Variants in NAA25 observed in about 807,000 individuals in gnomAD.
The protein encoded by NAA25 is N-alpha-acetyltransferase 25, NatB auxiliary subunit, also known as N-terminal acetyltransferase B complex subunit NAA25.
Under a neutral mutation model 132.5 loss-of-function variants are expected in NAA25, and 30 were observed. That is an observed-to-expected ratio of 0.23 (90% CI 0.17 to 0.31). The LOEUF (loss-of-function observed/expected upper bound fraction) is 0.31. Among genes scored for constraint, NAA25 ranks in the 10% least tolerant of loss-of-function variants. The probability of loss-of-function intolerance (pLI) is 1.00; values close to 1 mark genes in which losing one functional copy is unlikely to be tolerated. For synonymous variants in NAA25, 359 were observed against 401.9 expected, an observed-to-expected ratio of 0.89 and a Z score of 1.28; for missense variants, 771 against 1,150.4, an observed-to-expected ratio of 0.67 and a Z score of 4.77.
At position 112,033,225 on chromosome 12, in the gene NAA25, T is replaced by C; in HGVS notation, c.2796+8A>G. On this transcript the variant is annotated splice_region_variant and intron_variant, in intron 23 of 23. Coordinates refer to ENST00000261745, the MANE Select transcript of NAA25 (RefSeq NM_024953.4). Reference sequence around the variant, plus strand: ...AGAAAACATTGCCGATTGCCTACAATCTCTTACCGGTGAGAGAGAAGTGTC... The same window carrying C: ...AGAAAACATTGCCGATTGCCTACAACCTCTTACCGGTGAGAGAGAAGTGTC... 1 of 1,601,176 alleles carries C rather than the reference T, an allele frequency of 6.2e-7. No homozygotes were observed. Among genetic ancestry groups the C allele is most frequent in the African/African-American group, 1.3e-5 (1 of 74,310 alleles).
chr12:112,084,087 G>A (rs2079009369), intron 4 of NAA25, among the ~76,000 whole-genome samples: 1 of 152,118 alleles, frequency 6.6e-6, no homozygotes, highest in Non-Finnish European at 1.5e-5. Flanking sequence ...TGACAGACAA[G>A]TTTAAAAACA....
chr12:112,063,122 G>T (rs2078662306), intron 11 of NAA25, among the ~76,000 whole-genome samples: 1 of 151,998 alleles, frequency 6.6e-6, no homozygotes, highest in African/African-American at 2.4e-5. Context: ...TAAAAATCAT[G>T]AAGATTTCAA....
At chr12:112,091,622 G>T (rs1024049520) in intron 2 of NAA25, among the ~76,000 whole-genome samples, 1 of 151,934 alleles carries the variant, frequency 6.6e-6, no homozygotes, top group African/African-American at 2.4e-5. Flanking sequence ...GAGTCCGGGG[G>T]GTCAAAGCTG....
At chr12:112,103,560 C>T (rs2079323211) in intron 1 of NAA25, among the ~76,000 whole-genome samples, 2 of 152,128 alleles carry the variant, frequency 1.3e-5, no homozygotes, top group Admixed American at 6.6e-5. Flanking sequence ...TCTACAGAAA[C>T]GCAAGATAGT....
chr12:112,105,916 T>C (rs1005862981), intron 1 of NAA25, among the ~76,000 whole-genome samples: 4 of 152,184 alleles, frequency 2.6e-5, no homozygotes, highest in African/African-American at 9.7e-5. Flanking sequence ...ATGCTGATAG[T>C]TGTTGAATTT....
chr12:112,074,341 C>CAA (rs34077129), intron 9 of NAA25, among the ~76,000 whole-genome samples: 152 of 33,132 alleles, frequency 4.6e-3, no homozygotes, highest in Non-Finnish European at 5.5e-3. Context: ...AACTCCATCT[C>CAA]AAAAAAAAAA....
Position 112,093,126 on chromosome 12 carries a change from G to A in NAA25, c.69C>T (p.Asp23=). ...RRLRPIYDYL[D]NGNNKMAIQQ... is the part of the protein sequence containing the mutation. ...GAATTGCCATTTTATTATTACCATT[G>A]TCAAGATAATCTATGAAAAAACAAA... Residue 23 remains aspartate (D), a synonymous_variant, in exon 2 of 24, where the codon GAC becomes GAT. Transcript: ENST00000261745. 1.3e-6 allele frequency: 2 copies of A among 1,599,424 alleles called. No homozygotes were observed. The highest frequency in any genetic ancestry group is 1.7e-6 in the Non-Finnish European group (2 of 1,168,178).
intron 1 of NAA25, among the ~76,000 whole-genome samples, chr12:112,095,078 G>C (rs1801526789): frequency 6.6e-6 from 1 of 152,134 alleles, no homozygotes; most frequent in Non-Finnish European, 1.5e-5. Flanking sequence ...GAAGCGGGAG[G>C]ATAACTTGAG....
At chr12:112,090,893 T>C (rs2079118567) in intron 2 of NAA25, 29 bp from the exon 3 acceptor site, 1 of 1,579,858 alleles carries the variant, frequency 6.3e-7, no homozygotes, top group Non-Finnish European at 8.6e-7. Flanking sequence ...AAATCAGTTT[T>C]TAAAAAGACA....
intron 2 of NAA25, among the ~76,000 whole-genome samples, chr12:112,092,218 G>A (rs2079141793): frequency 1.3e-5 from 2 of 150,608 alleles, no homozygotes; most frequent in African/African-American, 4.9e-5. Context: ...TCTAGCCTGG[G>A]CAACACAGCA....
At chr12:112,057,594 C>T (rs532308916) in intron 13 of NAA25, among the ~76,000 whole-genome samples, 1 of 152,296 alleles carries the variant, frequency 6.6e-6, no homozygotes, top group Non-Finnish European at 1.5e-5. Flanking sequence ...GTAGCTCATG[C>T]CTGTAATCCC....
intron 1 of NAA25, among the ~76,000 whole-genome samples, chr12:112,094,240 CAAAAAAAAAAAAA>C (rs199734463): frequency 1.4e-5 from 1 of 69,286 alleles, no homozygotes; most frequent in Admixed American, 1.6e-4. Flanking sequence ...GACTCTGTCT[CAAAAAAAAAAAAA>C]AAAAAAAAAG....
rs187472914 is a variant in NAA25, at chr12:112,055,079, A to G, written c.1448-511T>C. Reference sequence around the variant, plus strand: ...CTATGAAATTTCAAAAGGTACATGTATCTCTAGTCTTCAAGATTAAGTTAC... The same window carrying G: ...CTATGAAATTTCAAAAGGTACATGTGTCTCTAGTCTTCAAGATTAAGTTAC... On this transcript the variant is annotated intron_variant, in intron 13 of 23. Coordinates refer to ENST00000261745, the MANE Select transcript of NAA25 (RefSeq NM_024953.4). Among the ~76,000 whole-genome samples, 560 of 152,330 alleles carry G rather than the reference A, an allele frequency of 3.7e-3. 2 individuals are homozygous for G. Among genetic ancestry groups the G allele is most frequent in the African/African-American group, 0.013 (534 of 41,578 alleles).
At chr12:112,059,809 G>A (rs2078598169) in intron 13 of NAA25, among the ~76,000 whole-genome samples, 1 of 142,992 alleles carries the variant, frequency 7.0e-6, no homozygotes, top group South Asian at 2.2e-4. Flanking sequence ...ACTGGAGACA[G>A]GTTTTTTTTT....
intron 1 of NAA25, among the ~76,000 whole-genome samples, chr12:112,102,059 G>A (rs1056312079): frequency 1.3e-5 from 2 of 151,416 alleles, no homozygotes; most frequent in African/African-American, 4.9e-5. Flanking sequence ...AGTAGAGATG[G>A]GTTTTCACCA....
At chr12:112,102,788 G>A (rs564615308) in intron 1 of NAA25, among the ~76,000 whole-genome samples, 25 of 149,812 alleles carry the variant, frequency 1.7e-4, no homozygotes, top group Non-Finnish European at 2.8e-4. Context: ...CTGGGTTCAC[G>A]CGATTCTCTT....
rs913654461 is a variant in NAA25, at chr12:112,027,306, A to G, written c.*2225T>C. The G allele has an allele frequency of 1.3e-5, 2 of 151,158 alleles. No individual in the cohort carries two copies. The highest frequency in any genetic ancestry group is 3.8e-4 in the East Asian group (2 of 5,202). 9.4% of individuals were successfully genotyped at this position (151,158 alleles called of 1,614,324 possible). On this transcript the variant is annotated 3_prime_UTR_variant, in exon 24 of 24. Transcript: ENST00000261745. ...GGAGAGGGTGCTTTTTACTCATGTA[A>G]GAATATATATATATATATATTTTTT...
At chr12:112,084,365 C>G (rs1198184599) in intron 4 of NAA25, among the ~76,000 whole-genome samples, 1 of 152,232 alleles carries the variant, frequency 6.6e-6, no homozygotes, top group Non-Finnish European at 1.5e-5. Context: ...CAAAAACCTT[C>G]ATCCATATGA....
At chr12:112,059,075 C>CAAAAAAAAAAA (rs530305102) in intron 13 of NAA25, among the ~76,000 whole-genome samples, 4 of 63,234 alleles carry the variant, frequency 6.3e-5, no homozygotes, top group African/African-American at 8.8e-5. Flanking sequence ...CTCCATCTCA[C>CAAAAAAAAAAA]AAAAAAAAAA....
Sources: gnomAD v4.1 joint callset for allele counts (sites outside exome capture counted in the v4.1 genomes callset) on GRCh38, gnomAD v4.1.1 for gene constraint, MANE v1.5 for transcripts, NCBI Gene and HGNC (gene_info 2026-07-23, HGNC 2026-07-21) for gene names.